The following FRMD6 variants were observed in gnomAD, a reference collection of about 807,000 sequenced individuals.
FRMD6 encodes the protein FERM domain-containing protein 6.
A neutral mutation model predicts 73.2 loss-of-function variants in FRMD6; 37 were observed. That is an observed-to-expected ratio of 0.51 (90% CI 0.39 to 0.66). FRMD6 has a LOEUF of 0.66. Ranked by LOEUF, FRMD6 falls within the 30% of genes least tolerant of loss-of-function variation. The pLI, the probability that FRMD6 is intolerant of heterozygous loss-of-function variation, is 0.00. For missense variants in FRMD6, 714 were observed against 780.5 expected, an observed-to-expected ratio of 0.91 and a Z score of 1.02; for synonymous variants, 273 against 282.2, an observed-to-expected ratio of 0.97 and a Z score of 0.33.
At chr14:51,503,410 A>C (rs1231010180) in intron 1 of FRMD6, among the ~76,000 whole-genome samples, 2 of 152,030 alleles carry the variant, frequency 1.3e-5, no homozygotes, top group African/African-American at 2.4e-5. Flanking sequence ...ACATGAAGGG[A>C]TGTTGAATTT....
At chr14:51,413,567 C>G in the FRMD6 span, among the ~76,000 whole-genome samples, 2 of 152,164 alleles carry the variant, frequency 1.3e-5, no homozygotes, top group Non-Finnish European at 2.9e-5. Flanking sequence ...CATTGATGGA[C>G]ATTTGGGTTG....
chr14:51,501,066 C>T (rs1356291556), intron 1 of FRMD6, among the ~76,000 whole-genome samples: 1 of 152,116 alleles, frequency 6.6e-6, no homozygotes, highest in African/African-American at 2.4e-5. Context: ...AAATCATTTC[C>T]TCTACTCCAA....
the FRMD6 span, among the ~76,000 whole-genome samples, chr14:51,421,122 C>T: frequency 6.6e-6 from 1 of 152,254 alleles, no homozygotes; most frequent in African/African-American, 2.4e-5. Context: ...GTATCCATGA[C>T]AGTCTTGGAA....
At chr14:51,445,851 T>C in the FRMD6 span, among the ~76,000 whole-genome samples, 2 of 152,216 alleles carry the variant, frequency 1.3e-5, no homozygotes, top group Non-Finnish European at 2.9e-5. Context: ...GCTCAATAAA[T>C]ATGTATTAAA....
chr14:51,664,329 A>G (rs1214785987), intron 1 of FRMD6, among the ~76,000 whole-genome samples: 1 of 152,222 alleles, frequency 6.6e-6, no homozygotes. Context: ...CAATTTTCAT[A>G]GTTCTGTATT....
At chr14:51,696,781 G>A (rs553188893) in intron 2 of FRMD6, among the ~76,000 whole-genome samples, 65 of 150,744 alleles carry the variant, frequency 4.3e-4, no homozygotes, top group African/African-American at 1.6e-3. Context: ...TTGAGACTCT[G>A]TCTTTAAAAA....
At chr14:51,522,633 A>C (rs2357109) in intron 1 of FRMD6, among the ~76,000 whole-genome samples, 1,698 of 152,294 alleles carry the variant, frequency 0.011, 36 homozygotes, top group African/African-American at 0.039. Flanking sequence ...CATCATAAAA[A>C]TATCATGGAT....
intron 1 of FRMD6, among the ~76,000 whole-genome samples, chr14:51,513,944 TTA>T (rs761963245): frequency 1.3e-5 from 2 of 152,224 alleles, no homozygotes; most frequent in Non-Finnish European, 2.9e-5. Context: ...TATCAGGGAA[TTA>T]TAAACATCTC....
upstream of FRMD6, chr14:51,651,561 G>A (rs1017158554): frequency 6.6e-6 from 1 of 152,266 alleles, no homozygotes; most frequent in Non-Finnish European, 1.5e-5. Context: ...CACAGCAGGG[G>A]GAAAGGCCCT....
intron 2 of FRMD6, among the ~76,000 whole-genome samples, chr14:51,617,097 G>A (rs553622633): frequency 3.9e-5 from 6 of 152,192 alleles, no homozygotes; most frequent in South Asian, 2.1e-4. Context: ...CTTATTTTCC[G>A]TAGGGACAGG....
the FRMD6 span, among the ~76,000 whole-genome samples, chr14:51,435,420 A>G: frequency 1.8e-4 from 25 of 139,590 alleles, no homozygotes; most frequent in Admixed American, 1.5e-3. Context: ...ATCTCTATTT[A>G]AAAAAAAAAA....
intron 13 of FRMD6, among the ~76,000 whole-genome samples, chr14:51,726,985 G>T (rs1416632268): frequency 6.6e-6 from 1 of 152,028 alleles, no homozygotes; most frequent in African/African-American, 2.4e-5. Flanking sequence ...ATAATTATCA[G>T]AATCATTTTT....
At chr14:51,500,942 A>G (rs1276079572) in intron 1 of FRMD6, among the ~76,000 whole-genome samples, 1 of 152,186 alleles carries the variant, frequency 6.6e-6, no homozygotes, top group Non-Finnish European at 1.5e-5. Flanking sequence ...TTGATCTTTG[A>G]TACTGCAGGG....
At chr14:51,641,389 T>G (rs1359008396) in intron 2 of FRMD6, among the ~76,000 whole-genome samples, 1 of 152,170 alleles carries the variant, frequency 6.6e-6, no homozygotes, top group Non-Finnish European at 1.5e-5. Context: ...TCACTATTGT[T>G]TAATTGGGAT....
At chr14:51,443,235 C>G in the FRMD6 span, among the ~76,000 whole-genome samples, 1 of 152,220 alleles carries the variant, frequency 6.6e-6, no homozygotes, top group Non-Finnish European at 1.5e-5. Flanking sequence ...AAAGGCTGTT[C>G]TTTCTCTGAC....
the FRMD6 span, among the ~76,000 whole-genome samples, chr14:51,461,043 A>G: frequency 2.6e-5 from 4 of 152,226 alleles, no homozygotes; most frequent in African/African-American, 9.6e-5. Flanking sequence ...TTATAGATCC[A>G]AAGAGCCACA....
intron 1 of FRMD6, among the ~76,000 whole-genome samples, chr14:51,561,939 C>A (rs1371545198): frequency 6.6e-6 from 1 of 152,190 alleles, no homozygotes; most frequent in Non-Finnish European, 1.5e-5. Flanking sequence ...GTAGAACAAT[C>A]CTGGTGTTAA....
intron 1 of FRMD6, among the ~76,000 whole-genome samples, chr14:51,679,392 A>T (rs1894638941): frequency 6.6e-6 from 1 of 150,684 alleles, no homozygotes; most frequent in East Asian, 1.9e-4. Flanking sequence ...TATATAATGC[A>T]TATGTAGCAT....
At chr14:51,530,506 G>C in intron 1 of FRMD6, among the ~76,000 whole-genome samples, 1 of 151,992 alleles carries the variant, frequency 6.6e-6, no homozygotes, top group East Asian at 1.9e-4. Flanking sequence ...TTTGAGACAG[G>C]GTCTTACTCT....
Sources: gnomAD v4.1 joint callset for allele counts (sites outside exome capture counted in the v4.1 genomes callset) on GRCh38, gnomAD v4.1.1 for gene constraint, MANE v1.5 for transcripts, NCBI Gene and HGNC (gene_info 2026-07-23, HGNC 2026-07-21) for gene names.